The following PEX1 variants were observed in gnomAD, a reference collection of about 807,000 sequenced individuals.
PEX1 encodes the protein peroxisomal ATPase PEX1.
A neutral mutation model predicts 152.5 loss-of-function variants in PEX1; 97 were observed. That is an observed-to-expected ratio of 0.64 (90% CI 0.54 to 0.75). The LOEUF (loss-of-function observed/expected upper bound fraction) is 0.75. Among genes scored for constraint, PEX1 ranks in the 30% least tolerant of loss-of-function variants. The probability of loss-of-function intolerance (pLI) is 0.00; values close to 1 mark genes in which losing one functional copy is unlikely to be tolerated. For missense variants in PEX1, 1,357 were observed against 1,516.3 expected, an observed-to-expected ratio of 0.89 and a Z score of 1.74; for synonymous variants, 485 against 531.6, an observed-to-expected ratio of 0.91 and a Z score of 1.21.
In PEX1 at chr7:92,517,684, C is replaced by T. The variant is rs1210178752; in HGVS notation, c.831G>A (p.Gln277=). ...TATTGTCTAGAGGAACAACCTTTGA[C>T]TGCATATTTTTGAATGCATTGATTT... The part of the protein sequence containing the change: ...LTEINAFKNM[Q]SKVVPLDNIF... Residue 277 remains glutamine (Q), a synonymous_variant, in exon 5 of 24, where the codon CAG becomes CAA. Transcript: ENST00000248633. 10 of 1,613,704 alleles carry T rather than the reference C, an allele frequency of 6.2e-6. No homozygotes were observed. In the Admixed American group the frequency reaches 1.7e-4, roughly 27 times the overall value.
chr7:92,493,144 ATTTAT>A lies in PEX1; in HGVS notation c.3031-20_3031-16del, dbSNP rs1373421966. 6.9e-7 allele frequency: 1 copy of A among 1,448,790 alleles called. No individual in the cohort carries two copies. The highest frequency in any genetic ancestry group is 1.7e-5 in the Admixed American group (1 of 58,396). The allele number at this position is 1,448,790 out of a possible 1,614,324, so 89.7% of individuals were successfully genotyped here. A position where few individuals can be genotyped will look rare whatever the true frequency, so the allele number is the denominator to read the frequency against. ...AGACGTGACACCTGAAAGGAGAAAA[ATTTAT>A]TTAACAAATAAAAAATAAAATTAAA... On this transcript the variant is annotated splice_polypyrimidine_tract_variant and intron_variant, in intron 19 of 23. Transcript: ENST00000248633.
chr7:92,498,068 G>GAAAAA (rs781116048), intron 16 of PEX1, among the ~76,000 whole-genome samples: 3 of 50,984 alleles, frequency 5.9e-5, no homozygotes, highest in African/African-American at 1.5e-4. Context: ...CAGTCTCAGA[G>GAAAAA]AAAAAAAAAA....
rs1562868017 is a variant in PEX1 at position 92,519,065 on chromosome 7, G to A, written c.287C>T (p.Pro96Leu). 9 of 1,601,548 alleles carry A rather than the reference G, an allele frequency of 5.6e-6. No homozygotes were observed. Among genetic ancestry groups the A allele is most frequent in the Non-Finnish European group, 7.7e-6 (9 of 1,169,060 alleles). ...TTGACAAGATACCACATGGGAACAT[G>A]GCTTGAGAAATACCTAGAAAAAATT... The part of the protein sequence containing the change: ...LSNGGQVFLK[P>L]CSHVVSCQQV... Residue 96 changes from proline to leucine, a missense_variant, in exon 3 of 24, where the codon CCA becomes CTA. Transcript: ENST00000248633.
chr7:92,507,302 G>A (rs1425831304), intron 9 of PEX1, 176 bp from the exon 10 acceptor site: 1 of 557,562 alleles, frequency 1.8e-6, no homozygotes, highest in South Asian at 2.2e-5. Flanking sequence ...GCAGTGGTGT[G>A]AACCCAGCTC....
chr7:92,501,273 G>A lies in PEX1; in HGVS notation c.2583+234C>T, dbSNP rs966986444. Among the ~76,000 whole-genome samples, 4 of 152,156 alleles carry A rather than the reference G, an allele frequency of 2.6e-5. No homozygotes were observed. The East Asian group carries it at 7.7e-4, about 29-fold the overall frequency. On this transcript the variant is annotated intron_variant, in intron 15 of 23. Transcript: ENST00000248633. ...CAGGAGTTTGAGGTTGCAGTGAGCTGTGAGTGTACTCCAGCCTAGATGACA... is the reference window on the plus strand; with the variant it reads ...CAGGAGTTTGAGGTTGCAGTGAGCTATGAGTGTACTCCAGCCTAGATGACA...
chr7:92,517,314 T>C lies in PEX1; in HGVS notation c.1201A>G (p.Thr401Ala). 6.2e-7 allele frequency: 1 copy of C among 1,613,866 alleles called. No individual in the cohort carries two copies. The highest frequency in any genetic ancestry group is 1.1e-5 in the South Asian group (1 of 91,030). The change falls in exon 5 of 24, where the codon ACC (threonine) becomes GCC (alanine). Residue 401 changes from threonine (T) to alanine (A), a missense_variant. Thr to Ala is a moderately conservative substitution (Grantham distance 58). Transcript: ENST00000248633. ...LEELNNAIKY[T>A]KNVEVLHLGK... ...AGATGGAGAACTTCTACATTTTTGG[T>C]ATATTTGATGGCATTGTTCAATTCT...
At chr7:92,506,447 C>T in intron 10 of PEX1, 103 bp from the exon 11 acceptor site, 1 of 778,818 alleles carries the variant, frequency 1.3e-6, no homozygotes, top group Non-Finnish European at 2.3e-6. Flanking sequence ...TTTATACAAC[C>T]TCTTCCAAAA....
At chr7:92,494,897 C>G (rs1437594819) in intron 17 of PEX1, among the ~76,000 whole-genome samples, 3 of 151,678 alleles carry the variant, frequency 2.0e-5, no homozygotes, top group Non-Finnish European at 2.9e-5. Context: ...CCCTTGTATT[C>G]AGTAAACTGT....
In PEX1 at chr7:92,511,677, T is replaced by TA; in HGVS notation, c.1385dup (p.Thr464AsnfsTer26). 1 of 1,612,284 alleles carries TA rather than the reference T, an allele frequency of 6.2e-7. No homozygotes were observed. Among genetic ancestry groups the TA allele is most frequent in the Non-Finnish European group, 8.5e-7 (1 of 1,178,892 alleles). On this transcript the variant is annotated frameshift_variant, in exon 7 of 24. Transcript: ENST00000248633. LOFTEE classifies it high-confidence loss of function. ...GTAGCCATGAATAAAATACAGTTTT[T>TA]ATGTCTTCTTCACTTATGTCTTTAG...
chr7:92,510,213 C>T (rs1171190005), intron 8 of PEX1, among the ~76,000 whole-genome samples: 1 of 151,486 alleles, frequency 6.6e-6, no homozygotes, highest in East Asian at 1.9e-4. Context: ...CACTTGTAAT[C>T]CCACAACTTT....
Position 92,491,290 on chromosome 7 carries a change from A to G in PEX1, c.3420T>C (p.Asn1140=). 1 of 1,608,798 alleles carries G rather than the reference A, an allele frequency of 6.2e-7. No individual in the cohort carries two copies. The highest frequency in any genetic ancestry group is 8.5e-7 in the Non-Finnish European group (1 of 1,175,318). The change falls in exon 21 of 24, where the codon AAT becomes AAC. Residue 1140 remains asparagine, a synonymous_variant. Transcript: ENST00000248633. The part of the protein sequence containing the change: ...FGSSYESELG[N]GTSSDLSSQC... ...AAGATACCAAATCAGAAGAGGTTCC[A>G]TTTCCAAGTTCTGATTCATAAGAGC...
At chr7:92,498,426 A>C (rs1045080704) in intron 16 of PEX1, among the ~76,000 whole-genome samples, 2 of 152,208 alleles carry the variant, frequency 1.3e-5, no homozygotes, top group Non-Finnish European at 2.9e-5. Flanking sequence ...CAGAGGTTGC[A>C]GTAAGCCAAG....
intron 2 of PEX1, among the ~76,000 whole-genome samples, chr7:92,520,592 T>C (rs1381362587): frequency 6.6e-6 from 1 of 151,838 alleles, no homozygotes; most frequent in African/African-American, 2.4e-5. Context: ...AGTCCACATA[T>C]ATATCTGATT....
At position 92,517,453 on chromosome 7, in the gene PEX1, T is replaced by C; in HGVS notation, c.1062A>G (p.Ser354=). 1 of 1,613,978 alleles carries C rather than the reference T, an allele frequency of 6.2e-7. No homozygotes were observed. Residue 354 remains serine (S), a synonymous_variant, in exon 5 of 24, where the codon TCA becomes TCG. Transcript: ENST00000248633. ...QQSKTKQNVL[S]PEKEKQMSEP... ...CTGACATCTGCTTCTCTTTTTCAGG[T>C]GATAACACATTTTGTTTTGTTTTAC... is the stretch of plus-strand genomic sequence containing the variant.
Position 92,506,356 on chromosome 7 carries a change from T to C in PEX1, c.1804-12A>G, listed in dbSNP as rs143041528. 4.6e-6 allele frequency: 7 copies of C among 1,524,686 alleles called. No individual in the cohort carries two copies. The highest frequency in any genetic ancestry group is 1.4e-5 in the African/African-American group (1 of 73,156). The allele number at this position is 1,524,686 out of a possible 1,614,324, so 94.4% of individuals were successfully genotyped here. Reference sequence around the variant, plus strand: ...GATTTTCCACTTCCCTAGAAAATAATTGCTTTATAGGAATTCCCAATATAT... The same window carrying C: ...GATTTTCCACTTCCCTAGAAAATAACTGCTTTATAGGAATTCCCAATATAT... On this transcript the variant is annotated splice_polypyrimidine_tract_variant and intron_variant, in intron 10 of 23. Coordinates refer to ENST00000248633, the MANE Select transcript of PEX1 (RefSeq NM_000466.3).
intron 16 of PEX1, among the ~76,000 whole-genome samples, chr7:92,498,196 A>C (rs1791753891): frequency 6.6e-6 from 1 of 152,098 alleles, no homozygotes; most frequent in African/African-American, 2.4e-5. Flanking sequence ...CAACTGGGTA[A>C]AACCCAGTTA....
intron 1 of PEX1, among the ~76,000 whole-genome samples, chr7:92,523,986 C>G (rs1188464281): frequency 3.9e-5 from 6 of 152,050 alleles, no homozygotes; most frequent in African/African-American, 1.2e-4. Context: ...ATTGTTTGAG[C>G]CCAGAAGTTC....
In PEX1 at chr7:92,517,951, T is replaced by A. The variant is rs2116247151; in HGVS notation, c.564A>T (p.Thr188=). 6.2e-7 allele frequency: 1 copy of A among 1,602,430 alleles called. No individual in the cohort carries two copies. Among genetic ancestry groups the A allele is most frequent in the Non-Finnish European group, 8.5e-7 (1 of 1,175,682 alleles). ...QPKTRRAKEN[T]FSKADAEYKK... The stretch of plus-strand genomic sequence containing the variant: ...TATATTCAGCATCAGCTTTTGAAAA[T>A]GTATTCTCTTTGGCTCGGCGTGTCT... The change falls in exon 5 of 24, where the codon ACA becomes ACT. Residue 188 remains threonine (T), a synonymous_variant. Transcript: ENST00000248633.
At position 92,509,338 on chromosome 7, in the gene PEX1, C is replaced by T; in HGVS notation, c.1661G>A (p.Ser554Asn). The change falls in exon 9 of 24, where the codon AGC becomes AAC. Residue 554 changes from serine to asparagine, a missense_variant. Transcript: ENST00000248633. ...GGCCATAACTTCTTACCCCAAAGAG[C>T]TCAGCTTTAAAAAAGGAAGAATAAA... ...IDFILPFLKL[S>N]SLGGVNSLGV... The T allele has an allele frequency of 6.2e-6, 10 of 1,611,278 alleles. No individual in the cohort carries two copies. The highest frequency in any genetic ancestry group is 1.7e-5 in the Admixed American group (1 of 60,006).
Sources: gnomAD v4.1 joint callset for allele counts (sites outside exome capture counted in the v4.1 genomes callset) on GRCh38, gnomAD v4.1.1 for gene constraint, MANE v1.5 for transcripts, NCBI Gene and HGNC (gene_info 2026-07-23, HGNC 2026-07-21) for gene names.